The following COMMD10 variants were observed in gnomAD, a reference collection of about 807,000 sequenced individuals.
COMMD10 encodes the protein COMM domain containing 10.
In COMMD10, 33 loss-of-function variants were observed where a neutral mutation model predicts 28.9. That is an observed-to-expected ratio of 1.14 (90% CI 0.87 to 1.53). The LOEUF is 1.53. Among genes scored for constraint, COMMD10 ranks in the 40% most tolerant of loss-of-function variants. The pLI is 0.00. For synonymous variants in COMMD10, 110 were observed against 81.7 expected (o/e 1.35, Z -1.87); for missense variants, 310 against 233.4 (o/e 1.33, Z -2.14).
chr5:116,193,848 A>G (rs907702056), intron 5 of COMMD10, among the ~76,000 whole-genome samples: 1 of 152,130 alleles, frequency 6.6e-6, no homozygotes, highest in Non-Finnish European at 1.5e-5. Context: ...TTATCCAACA[A>G]CCACAGAATA....
At position 116,134,182 on chromosome 5, in the gene COMMD10, A is replaced by G. The variant is rs1198914800; in HGVS notation, c.510+4A>G. ...AGTGAACAATGAAGATTCAAAGGTAAGAAATGGTATCCCATTAAAAGGATG... is the reference window on the plus strand; with the variant it reads ...AGTGAACAATGAAGATTCAAAGGTAGGAAATGGTATCCCATTAAAAGGATG... On this transcript the variant is annotated splice_donor_region_variant and intron_variant, in intron 5 of 6. Coordinates refer to ENST00000274458, the MANE Select transcript of COMMD10 (RefSeq NM_016144.4). 1.3e-6 allele frequency: 2 copies of G among 1,506,340 alleles called. No homozygotes were observed. The highest frequency in any genetic ancestry group is 2.3e-5 in the South Asian group (2 of 88,814). The allele number at this position is 1,506,340 out of a possible 1,614,324, so 93.3% of individuals were successfully genotyped here.
intron 5 of COMMD10, among the ~76,000 whole-genome samples, chr5:116,211,975 A>G (rs1474141192): frequency 1.3e-5 from 2 of 152,278 alleles, no homozygotes; most frequent in East Asian, 1.9e-4. Context: ...TTATGTGTCA[A>G]GTAATGATAA....
chr5:116,090,223 C>G (rs899275080), intron 2 of COMMD10, among the ~76,000 whole-genome samples: 4 of 152,158 alleles, frequency 2.6e-5, no homozygotes, highest in African/African-American at 9.7e-5. Flanking sequence ...ATCTTCTTGG[C>G]TCATCCTGGC....
intron 5 of COMMD10, among the ~76,000 whole-genome samples, chr5:116,290,549 A>C (rs1292343840): frequency 6.6e-6 from 1 of 151,892 alleles, no homozygotes; most frequent in Non-Finnish European, 1.5e-5. Context: ...AATCATTAAA[A>C]CAGATAAAAG....
intron 5 of COMMD10, among the ~76,000 whole-genome samples, chr5:116,235,948 T>C (rs982469792): frequency 6.6e-6 from 1 of 152,228 alleles, no homozygotes; most frequent in Non-Finnish European, 1.5e-5. Flanking sequence ...TTTCTTTCTA[T>C]AGCATACATA....
intron 5 of COMMD10, among the ~76,000 whole-genome samples, chr5:116,266,177 G>C (rs1374497632): frequency 6.6e-6 from 1 of 151,652 alleles, no homozygotes; most frequent in Non-Finnish European, 1.5e-5. Flanking sequence ...TTGTTTTCAG[G>C]AAAATGCAGT....
intron 5 of COMMD10, among the ~76,000 whole-genome samples, chr5:116,263,315 G>A (rs889596494): frequency 5.3e-5 from 8 of 151,576 alleles, no homozygotes; most frequent in African/African-American, 1.7e-4. Context: ...TCATCAGATG[G>A]GTTTTATTTG....
intron 5 of COMMD10, among the ~76,000 whole-genome samples, chr5:116,175,471 C>G (rs935614021): frequency 7.2e-5 from 11 of 152,078 alleles, no homozygotes; most frequent in African/African-American, 2.7e-4. Context: ...AACAATATGG[C>G]AGTTCATAAA....
chr5:116,185,039 A>G (rs12657249), intron 5 of COMMD10, among the ~76,000 whole-genome samples: 15 of 151,988 alleles, frequency 9.9e-5, no homozygotes, highest in Non-Finnish European at 1.6e-4. Flanking sequence ...ATGTGTGATA[A>G]AAGTTTTGGC....
intron 5 of COMMD10, among the ~76,000 whole-genome samples, chr5:116,202,743 T>C (rs1409638761): frequency 2.6e-5 from 4 of 151,320 alleles, no homozygotes; most frequent in African/African-American, 9.8e-5. Context: ...GTTTGTTTTT[T>C]TCTTGTAAAT....
chr5:116,242,976 T>C lies in COMMD10; in HGVS notation c.511-48541T>C, dbSNP rs193249307. ...GAAACATTAATGAAAGTGCTTAAAT[T>C]TTCAATGCTAATTAAAATGTTTATT... is the stretch of plus-strand genomic sequence containing the variant. On this transcript the variant is annotated intron_variant, in intron 5 of 6. Coordinates refer to ENST00000274458, the MANE Select transcript of COMMD10 (RefSeq NM_016144.4). 2.5e-3 allele frequency among the ~76,000 whole-genome samples: 374 copies of C among 152,318 alleles called. 1 individual carries two copies. The highest frequency in any genetic ancestry group is 4.5e-3 in the Non-Finnish European group (305 of 68,016).
At chr5:116,274,456 G>T (rs1180561718) in intron 5 of COMMD10, among the ~76,000 whole-genome samples, 1 of 151,714 alleles carries the variant, frequency 6.6e-6, no homozygotes, top group Non-Finnish European at 1.5e-5. Context: ...AAAACTGAAA[G>T]TAGGTCAGAT....
chr5:116,265,831 T>A lies in COMMD10; in HGVS notation c.511-25686T>A, dbSNP rs145917378. 3.0e-3 allele frequency among the ~76,000 whole-genome samples: 455 copies of A among 151,892 alleles called. 4 individuals carry two copies. Among genetic ancestry groups the A allele is most frequent in the Non-Finnish European group, 5.0e-3 (343 of 67,982 alleles). ...AAGACTGGCTTAAAACACATGCAGT[T>A]CGACACCAGAGATGACACTCTTAAC... On this transcript the variant is annotated intron_variant, in intron 5 of 6. Transcript: ENST00000274458.
rs61707931 is a variant in COMMD10 at position 116,145,332 on chromosome 5, C to T, written c.510+11154C>T. On this transcript the variant is annotated intron_variant, in intron 5 of 6. Transcript: ENST00000274458. Reference sequence around the variant, plus strand: ...TGGCAGGTTGTGTAGTTTTCTTCATCTATTTTTAATTGCTCAGGTGCACAT... The same window carrying T: ...TGGCAGGTTGTGTAGTTTTCTTCATTTATTTTTAATTGCTCAGGTGCACAT... Among the ~76,000 whole-genome samples, 1,490 of 151,906 alleles carry T rather than the reference C, an allele frequency of 9.8e-3. 25 individuals carry two copies. Among genetic ancestry groups the T allele is most frequent in the African/African-American group, 0.033 (1,383 of 41,474 alleles).
chr5:116,146,900 A>T (rs184618335), intron 5 of COMMD10, among the ~76,000 whole-genome samples: 3 of 151,802 alleles, frequency 2.0e-5, no homozygotes, highest in Non-Finnish European at 4.4e-5. Flanking sequence ...TTGTTTTTCA[A>T]AGTTTCTCAG....
At chr5:116,090,984 C>T (rs1195009827) in intron 2 of COMMD10, 95 bp from the exon 3 acceptor site, 17 of 641,528 alleles carry the variant, frequency 2.6e-5, no homozygotes, top group Non-Finnish European at 4.2e-5. Flanking sequence ...CTTTAAAGTT[C>T]TCATCTCATA....
chr5:116,117,777 ATT>A lies in COMMD10; in HGVS notation c.400-16290_400-16289del, dbSNP rs978703718. Among the ~76,000 whole-genome samples the A allele has an allele frequency of 1.6e-4, 25 of 152,262 alleles. No individual in the cohort carries two copies. The South Asian group carries it at 2.3e-3, about 14-fold the overall frequency. On this transcript the variant is annotated intron_variant, in intron 4 of 6. Coordinates refer to ENST00000274458, the MANE Select transcript of COMMD10 (RefSeq NM_016144.4). ...CACCACACCTGGCCTGATTTTAGTC[ATT>A]CTTAATGCATTCAAATTGTTGTTTT...
intron 5 of COMMD10, among the ~76,000 whole-genome samples, chr5:116,286,400 AC>A (rs1307503902): frequency 6.8e-6 from 1 of 146,706 alleles, no homozygotes; most frequent in African/African-American, 2.5e-5. Context: ...CTTCCTGCTT[AC>A]TTTGACCTTA....
intron 4 of COMMD10, among the ~76,000 whole-genome samples, chr5:116,106,252 C>T (rs1750835661): frequency 6.6e-6 from 1 of 152,140 alleles, no homozygotes; most frequent in African/African-American, 2.4e-5. Context: ...ACCCAGTAGT[C>T]ATTCAGCGGC....
Sources: allele counts gnomAD v4.1 joint callset (sites outside exome capture counted in the v4.1 genomes callset), GRCh38; gene constraint gnomAD v4.1.1; transcripts MANE v1.5; gene names NCBI Gene and HGNC (gene_info 2026-07-23, HGNC 2026-07-21).